Variants in MSRA observed in about 807,000 individuals in gnomAD.
The protein encoded by MSRA is mitochondrial peptide methionine sulfoxide reductase.
Under a neutral mutation model 31.3 loss-of-function variants are expected in MSRA, and 54 were observed. The ratio of observed to expected loss-of-function variants is 1.73; its 90% confidence interval spans 1.39 to 2.17. The LOEUF (loss-of-function observed/expected upper bound fraction) is 2.17, where lower values mean the gene tolerates loss of function less well. Among genes scored for constraint, MSRA ranks in the 30% most tolerant of loss-of-function variants. The pLI is 0.00. For missense variants in MSRA, 507 were observed against 300.9 expected (o/e 1.69, Z -5.07); for synonymous variants, 169 against 116.5 (o/e 1.45, Z -2.90).
intron 2 of MSRA, among the ~76,000 whole-genome samples, chr8:10,232,101 C>A (rs1205762735): frequency 1.3e-5 from 2 of 152,044 alleles, no homozygotes; most frequent in Admixed American, 6.6e-5. Context: ...TTCTAGGATC[C>A]CAGGGGTGGA....
Position 10,428,231 on chromosome 8 carries a change from G to A in MSRA, c.627G>A (p.Gln209=), listed in dbSNP as rs754517685. Residue 209 remains glutamine, a synonymous_variant, in exon 6 of 6, where the codon CAG becomes CAA. Transcript: ENST00000317173. The part of the protein sequence containing the change: ...QTFYYAEDYH[Q]QYLSKNPNGY... ...TCTACTATGCGGAAGACTACCACCAGCAGTACCTGAGCAAGAACCCCAATG... is the reference window on the plus strand; with the variant it reads ...TCTACTATGCGGAAGACTACCACCAACAGTACCTGAGCAAGAACCCCAATG... 3 of 1,614,204 alleles carry A rather than the reference G, an allele frequency of 1.9e-6. No homozygotes were observed. Among genetic ancestry groups the A allele is most frequent in the Non-Finnish European group, 2.5e-6 (3 of 1,180,032 alleles).
At chr8:10,074,352 G>T (rs1388963822) in intron 1 of MSRA, among the ~76,000 whole-genome samples, 1 of 151,938 alleles carries the variant, frequency 6.6e-6, no homozygotes, top group Non-Finnish European at 1.5e-5. Context: ...AAAGTGCTGG[G>T]ATTACAGGTG....
chr8:10,279,684 C>T (rs2952254), intron 3 of MSRA, among the ~76,000 whole-genome samples: 101,563 of 152,108 alleles, frequency 0.67, 34,221 homozygotes, highest in Admixed American at 0.74. Flanking sequence ...TTGAAGCTAA[C>T]ACCTAGAAGG....
At chr8:10,328,371 C>G (rs1219691104) in intron 5 of MSRA, among the ~76,000 whole-genome samples, 4 of 151,682 alleles carry the variant, frequency 2.6e-5, no homozygotes, top group Non-Finnish European at 5.9e-5. Context: ...TCCAATGAAT[C>G]AGATTAACAG....
chr8:10,123,236 G>T (rs537246348), intron 1 of MSRA, among the ~76,000 whole-genome samples: 2 of 152,280 alleles, frequency 1.3e-5, no homozygotes, highest in South Asian at 2.1e-4. Context: ...GTGTGAGATG[G>T]TATCTCATTG....
intron 3 of MSRA, among the ~76,000 whole-genome samples, chr8:10,277,912 A>C (rs925828356): frequency 2.6e-5 from 4 of 152,166 alleles, no homozygotes; most frequent in African/African-American, 9.7e-5. Context: ...AATTAAGAAA[A>C]ACAACTCTTT....
Position 10,101,884 on chromosome 8 carries a change from G to A in MSRA, c.142+47226G>A, listed in dbSNP as rs141799441. 2.2e-3 allele frequency among the ~76,000 whole-genome samples: 338 copies of A among 152,192 alleles called. 4 individuals are homozygous for A. The highest frequency in any genetic ancestry group is 7.7e-3 in the African/African-American group (321 of 41,532). On this transcript the variant is annotated intron_variant, in intron 1 of 5. Transcript: ENST00000317173. Reference sequence around the variant, plus strand: ...ATATCTCTTTGAGCTCCTGTTTCCAGTTCTTTTGAGTATATCCCCAAAAGT... The same window carrying A: ...ATATCTCTTTGAGCTCCTGTTTCCAATTCTTTTGAGTATATCCCCAAAAGT...
At chr8:10,225,224 A>AC (rs1203223426) in intron 2 of MSRA, among the ~76,000 whole-genome samples, 13 of 152,194 alleles carry the variant, frequency 8.5e-5, no homozygotes, top group Admixed American at 8.5e-4. Flanking sequence ...TAACCACTGC[A>AC]CACCCTCCCA....
At chr8:10,072,038 G>A (rs1398091184) in intron 1 of MSRA, among the ~76,000 whole-genome samples, 1 of 150,558 alleles carries the variant, frequency 6.6e-6, no homozygotes, top group African/African-American at 2.4e-5. Flanking sequence ...CTGCAACTAA[G>A]GGACCCTGTT....
intron 1 of MSRA, among the ~76,000 whole-genome samples, chr8:10,115,199 C>G (rs889735755): frequency 6.6e-6 from 1 of 152,190 alleles, no homozygotes; most frequent in African/African-American, 2.4e-5. Flanking sequence ...TGTCTCACAT[C>G]AGCTGACAGC....
intron 4 of MSRA, among the ~76,000 whole-genome samples, chr8:10,310,491 T>C (rs1026335216): frequency 1.3e-5 from 2 of 152,246 alleles, no homozygotes; most frequent in African/African-American, 4.8e-5. Context: ...AGCTTCTATT[T>C]AACATTTTTC....
chr8:10,229,629 G>A (rs1255688498), intron 2 of MSRA, among the ~76,000 whole-genome samples: 2 of 152,108 alleles, frequency 1.3e-5, no homozygotes, highest in African/African-American at 4.8e-5. Context: ...GGACACGAAC[G>A]CTTACTGAGT....
chr8:10,264,594 G>A (rs1798649630), intron 3 of MSRA, among the ~76,000 whole-genome samples: 1 of 152,192 alleles, frequency 6.6e-6, no homozygotes, highest in African/African-American at 2.4e-5. Flanking sequence ...TGTCGGGAAG[G>A]GCTGAGCTGC....
intron 1 of MSRA, among the ~76,000 whole-genome samples, chr8:10,109,800 G>A (rs931730461): frequency 1.4e-4 from 21 of 152,316 alleles, no homozygotes; most frequent in Non-Finnish European, 1.5e-5. Flanking sequence ...GTTGTTTGAT[G>A]TCTTTTTTTC....
At chr8:10,206,981 G>A (rs571343937) in intron 1 of MSRA, among the ~76,000 whole-genome samples, 69 of 152,272 alleles carry the variant, frequency 4.5e-4, no homozygotes, top group African/African-American at 7.5e-4. Flanking sequence ...ACATCAAAGC[G>A]TCTCTGCCGA....
intron 5 of MSRA, among the ~76,000 whole-genome samples, chr8:10,389,734 AG>A (rs1383275352): frequency 7.0e-6 from 1 of 142,432 alleles, no homozygotes; most frequent in Non-Finnish European, 1.5e-5. Context: ...GTTTTTCAGA[AG>A]CTTGCTTTTT....
intron 1 of MSRA, among the ~76,000 whole-genome samples, chr8:10,186,814 T>C (rs1380390765): frequency 6.6e-6 from 1 of 152,192 alleles, no homozygotes; most frequent in Non-Finnish European, 1.5e-5. Context: ...ATTGTTTTTT[T>C]CAGTGGAAAT....
At chr8:10,077,031 T>C (rs1438406464) in intron 1 of MSRA, among the ~76,000 whole-genome samples, 2 of 136,248 alleles carry the variant, frequency 1.5e-5, no homozygotes, top group Admixed American at 8.1e-5. Context: ...ATCCTGCACA[T>C]GTACCTCAGA....
At chr8:10,060,903 CTTGTA>C (rs1334046228) in intron 1 of MSRA, among the ~76,000 whole-genome samples, 2 of 152,088 alleles carry the variant, frequency 1.3e-5, no homozygotes, top group African/African-American at 2.4e-5. Flanking sequence ...ATGTGTATTT[CTTGTA>C]TTGTGAGTGA....
Sources: allele counts gnomAD v4.1 joint callset (sites outside exome capture counted in the v4.1 genomes callset), GRCh38; gene constraint gnomAD v4.1.1; transcripts MANE v1.5; gene names NCBI Gene and HGNC (gene_info 2026-07-23, HGNC 2026-07-21).